PCDHA12: variants seen among roughly 807,000 people sequenced by gnomAD.
The protein encoded by PCDHA12 is protocadherin alpha-12.
PCDHA12 carries 44 observed loss-of-function variants against 60.0 expected under a neutral mutation model. The ratio of observed to expected loss-of-function variants is 0.73; its 90% CI spans 0.58 to 0.94. The LOEUF (loss-of-function observed/expected upper bound fraction) is 0.94, where lower values mean the gene tolerates loss of function less well. PCDHA12 is among the 40% of genes least tolerant of loss of function. The pLI is 0.00. For synonymous variants in PCDHA12, 569 were observed against 553.0 expected (o/e 1.03, Z -0.40); for missense variants, 1,276 against 1,239.7 (o/e 1.03, Z -0.44).
chr5:140,968,267 A>G, intron 1 of PCDHA12: 1 of 1,613,984 alleles, frequency 6.2e-7, no homozygotes, highest in Non-Finnish European at 8.5e-7. Flanking sequence ...TGAAAAGGAG[A>G]ATGCAGAGGT....
chr5:140,919,709 G>T (rs782509447), intron 1 of PCDHA12, among the ~76,000 whole-genome samples: 5 of 152,076 alleles, frequency 3.3e-5, no homozygotes, highest in Non-Finnish European at 7.4e-5. Context: ...CTTAATTCTA[G>T]TGAGATATAA....
chr5:140,886,730 G>A (rs2061105749), intron 1 of PCDHA12, among the ~76,000 whole-genome samples: 1 of 150,962 alleles, frequency 6.6e-6, no homozygotes, highest in Non-Finnish European at 1.5e-5. Flanking sequence ...GGAGGCTGAA[G>A]CAAGAGAATT....
At chr5:141,007,419 T>C (rs1554261276) in intron 3 of PCDHA12, among the ~76,000 whole-genome samples, 3 of 141,394 alleles carry the variant, frequency 2.1e-5, no homozygotes, top group African/African-American at 5.2e-5. Flanking sequence ...AAAAAAAAAA[T>C]TAGCCAGGCA....
chr5:140,924,036 C>A (rs2081633869), intron 1 of PCDHA12, among the ~76,000 whole-genome samples: 1 of 152,162 alleles, frequency 6.6e-6, no homozygotes, highest in African/African-American at 2.4e-5. Context: ...TGGCTGCAGA[C>A]CTAAAAGTTC....
rs527638271 is a variant in PCDHA12, at chr5:140,882,967, G to A, written c.2367+5128G>A. 3.1e-4 allele frequency: 497 copies of A among 1,614,172 alleles called. 6 individuals are homozygous for A. In the South Asian group the frequency reaches 5.0e-3, roughly 16 times the overall value. On this transcript the variant is annotated intron_variant, in intron 1 of 3. Transcript: ENST00000398631. Reference sequence around the variant, plus strand: ...CAGTTCAGCTGCTCATCACGATTCTGGACGTGAATGACAACGCCCCGGAAT... The same window carrying A: ...CAGTTCAGCTGCTCATCACGATTCTAGACGTGAATGACAACGCCCCGGAAT...
intron 1 of PCDHA12, among the ~76,000 whole-genome samples, chr5:140,890,615 C>A (rs1266338521): frequency 6.6e-6 from 1 of 152,026 alleles, no homozygotes; most frequent in Non-Finnish European, 1.5e-5. Context: ...AGTGCTTACC[C>A]TAGAAAATTA....
At chr5:140,935,894 C>CT (rs55841305) in intron 1 of PCDHA12, among the ~76,000 whole-genome samples, 11,084 of 136,696 alleles carry the variant, frequency 0.081, 520 homozygotes, top group Middle Eastern at 0.14. Context: ...TCAATATTAT[C>CT]TTTTTTTTTT....
intron 3 of PCDHA12, among the ~76,000 whole-genome samples, chr5:140,989,486 A>G (rs1563557204): frequency 6.6e-6 from 1 of 152,190 alleles, no homozygotes; most frequent in African/African-American, 2.4e-5. Context: ...AGGTGCTTGA[A>G]CAAGAAAGAC....
intron 3 of PCDHA12, among the ~76,000 whole-genome samples, chr5:140,995,470 T>C (rs543327839): frequency 5.6e-4 from 86 of 152,360 alleles, no homozygotes; most frequent in Middle Eastern, 3.4e-3. Flanking sequence ...TTGAAATTTT[T>C]CATTTAATAT....
chr5:140,910,551 T>G (rs1330218807), intron 1 of PCDHA12, among the ~76,000 whole-genome samples: 1 of 152,178 alleles, frequency 6.6e-6, no homozygotes, highest in East Asian at 1.9e-4. Flanking sequence ...TTGCAAAGTA[T>G]TAGTCAAGGA....
intron 3 of PCDHA12, 111 bp downstream of exon 3, chr5:140,982,674 A>G (rs1399250735): frequency 3.4e-6 from 5 of 1,450,700 alleles, no homozygotes; most frequent in Admixed American, 2.7e-5. Context: ...TATTTTTGTT[A>G]TTCCCTTTTT....
At position 140,876,752 on chromosome 5, in the gene PCDHA12, C is replaced by G. The variant is rs374137138; in HGVS notation, c.1280C>G (p.Ala427Gly). The change falls in exon 1 of 4, where the codon GCG (alanine) becomes GGG (glycine). Residue 427 changes from alanine (A) to glycine (G), a missense_variant. Coordinates refer to ENST00000398631, the MANE Select transcript of PCDHA12 (RefSeq NM_018903.4). ...SVSAYELVVT[A>G]RDGGSPSLWA... ...TCGGCCTATGAGCTGGTGGTGACTGCGCGGGATGGGGGCTCGCCTTCGCTG... is the reference window on the plus strand; with the variant it reads ...TCGGCCTATGAGCTGGTGGTGACTGGGCGGGATGGGGGCTCGCCTTCGCTG... 1.4e-5 allele frequency: 23 copies of G among 1,614,194 alleles called. No homozygotes were observed. The African/African-American group carries it at 2.8e-4, about 20-fold the overall frequency.
intron 1 of PCDHA12, chr5:140,930,201 A>G (rs1185112868): frequency 6.6e-6 from 1 of 152,178 alleles, no homozygotes; most frequent in Non-Finnish European, 1.5e-5. Flanking sequence ...TTATGTCAGA[A>G]ATATTTATGT....
chr5:140,923,343 T>C (rs1251719779), intron 1 of PCDHA12, among the ~76,000 whole-genome samples: 1 of 152,122 alleles, frequency 6.6e-6, no homozygotes, highest in African/African-American at 2.4e-5. Flanking sequence ...TTGGGCAACA[T>C]AGTGGGACCC....
chr5:140,876,023 C>CA lies in PCDHA12; in HGVS notation c.558dup (p.Asp187ArgfsTer2). 3 of 1,612,330 alleles carry CA rather than the reference C, an allele frequency of 1.9e-6. No homozygotes were observed. The highest frequency in any genetic ancestry group is 2.5e-6 in the Non-Finnish European group (3 of 1,179,438). ...GAGAATTTTGAGCTTAAAATAAAAA[C>CA]AAAAAAAGATAAAAGTATATTGCCT... On this transcript the variant is annotated frameshift_variant, in exon 1 of 4. Coordinates refer to ENST00000398631, the MANE Select transcript of PCDHA12 (RefSeq NM_018903.4). LOFTEE classifies it high-confidence loss of function.
chr5:140,911,953 G>T (rs1554195050), intron 1 of PCDHA12, among the ~76,000 whole-genome samples: 1 of 152,094 alleles, frequency 6.6e-6, no homozygotes, highest in Non-Finnish European at 1.5e-5. Context: ...TAAAGGGGAG[G>T]TTACTAAGGA....
chr5:140,984,168 A>C (rs1181991691), intron 3 of PCDHA12, among the ~76,000 whole-genome samples: 1 of 152,204 alleles, frequency 6.6e-6, no homozygotes, highest in Non-Finnish European at 1.5e-5. Context: ...TTCCCAAAGA[A>C]GCCACGTGAA....
At chr5:140,964,213 A>G (rs1338010666) in intron 1 of PCDHA12, among the ~76,000 whole-genome samples, 10 of 152,210 alleles carry the variant, frequency 6.6e-5, no homozygotes, top group African/African-American at 1.9e-4. Flanking sequence ...CTTTAGTACA[A>G]TGTCTTTCAA....
At chr5:140,927,679 G>A (rs782403424) in intron 1 of PCDHA12, 11 of 1,614,188 alleles carry the variant, frequency 6.8e-6, no homozygotes, top group Non-Finnish European at 5.1e-6. Flanking sequence ...TCCAGATGAA[G>A]GGTCCAATGG....
Sources: gnomAD v4.1 joint callset for allele counts (sites outside exome capture counted in the v4.1 genomes callset) on GRCh38, gnomAD v4.1.1 for gene constraint, MANE v1.5 for transcripts, NCBI Gene and HGNC (gene_info 2026-07-23, HGNC 2026-07-21) for gene names.